ERBB4: variants seen among roughly 807,000 people sequenced by gnomAD.
ERBB4 encodes the protein receptor tyrosine-protein kinase erbB-4.
ERBB4 carries 42 observed loss-of-function variants against 158.0 expected under a neutral mutation model. That is an observed-to-expected ratio of 0.27 (90% CI 0.21 to 0.34). The LOEUF (loss-of-function observed/expected upper bound fraction) is 0.34, where lower values mean the gene tolerates loss of function less well. Ranked by LOEUF, ERBB4 falls within the 10% of genes least tolerant of loss-of-function variation. The pLI is 1.00. For missense variants in ERBB4, 1,333 were observed against 1,624.1 expected (o/e 0.82, Z 3.08); for synonymous variants, 583 against 558.7 (o/e 1.04, Z -0.61).
intron 4 of ERBB4, among the ~76,000 whole-genome samples, chr2:211,767,908 C>T (rs1371649757): frequency 6.6e-6 from 1 of 152,180 alleles, no homozygotes; most frequent in African/African-American, 2.4e-5. Flanking sequence ...TCATGCCCTC[C>T]CAACAGACCC....
At chr2:212,423,129 A>G (rs1164935091) in intron 1 of ERBB4, among the ~76,000 whole-genome samples, 1 of 152,186 alleles carries the variant, frequency 6.6e-6, no homozygotes, top group Non-Finnish European at 1.5e-5. Context: ...TAACATAACC[A>G]TATCTATGAC....
intron 1 of ERBB4, among the ~76,000 whole-genome samples, chr2:212,240,186 G>T (rs778449569): frequency 6.6e-6 from 1 of 152,082 alleles, no homozygotes; most frequent in Admixed American, 6.6e-5. Context: ...TTTTGATGGG[G>T]TTCAGCAACA....
At chr2:211,537,737 C>T (rs922319649) in intron 20 of ERBB4, among the ~76,000 whole-genome samples, 1 of 151,820 alleles carries the variant, frequency 6.6e-6, no homozygotes, top group Non-Finnish European at 1.5e-5. Flanking sequence ...CTGTATCACA[C>T]AAAATACAGG....
At chr2:212,476,214 A>C (rs1689387392) in intron 1 of ERBB4, among the ~76,000 whole-genome samples, 2 of 151,702 alleles carry the variant, frequency 1.3e-5, no homozygotes, top group Admixed American at 1.3e-4. Context: ...TCTTTTTAAC[A>C]TTTAGCTGAC....
intron 25 of ERBB4, among the ~76,000 whole-genome samples, chr2:211,416,588 C>A (rs542853752): frequency 6.6e-6 from 1 of 152,296 alleles, no homozygotes; most frequent in South Asian, 2.1e-4. Context: ...AGATTGCTAT[C>A]TCTAGTAACA....
rs1368290256 is a variant in ERBB4, at chr2:211,520,783, ATC to A, written c.2487+41118_2487+41119del. 2.0e-5 allele frequency among the ~76,000 whole-genome samples: 3 copies of A among 152,192 alleles called. No individual in the cohort carries two copies. In the East Asian group the frequency reaches 5.8e-4, roughly 29 times the overall value. The stretch of plus-strand genomic sequence containing the variant: ...TTCTAATAGCATGTACTCACTCCAC[ATC>A]TCTGTTTCTCATTTTGGCAACTCTT... On this transcript the variant is annotated intron_variant, in intron 20 of 27. Coordinates refer to ENST00000342788, the MANE Select transcript of ERBB4 (RefSeq NM_005235.3).
At chr2:211,457,002 C>T (rs1012405066) in intron 20 of ERBB4, among the ~76,000 whole-genome samples, 1 of 152,140 alleles carries the variant, frequency 6.6e-6, no homozygotes, top group African/African-American at 2.4e-5. Flanking sequence ...ATATATGATA[C>T]TTTGTTATTT....
At chr2:211,649,487 A>G (rs1188209369) in intron 16 of ERBB4, among the ~76,000 whole-genome samples, 1 of 151,844 alleles carries the variant, frequency 6.6e-6, no homozygotes, top group African/African-American at 2.4e-5. Context: ...GTGTAGAACA[A>G]TATAGCTATT....
intron 20 of ERBB4, among the ~76,000 whole-genome samples, chr2:211,559,664 A>G (rs1450296394): frequency 6.6e-6 from 1 of 152,062 alleles, no homozygotes; most frequent in East Asian, 1.9e-4. Context: ...AATCTGAACC[A>G]CTGTATTCAA....
At chr2:211,784,258 G>C (rs1447703316) in intron 4 of ERBB4, among the ~76,000 whole-genome samples, 1 of 152,078 alleles carries the variant, frequency 6.6e-6, no homozygotes, top group African/African-American at 2.4e-5. Flanking sequence ...TGGACATTTA[G>C]CCTTCCTTCC....
intron 20 of ERBB4, among the ~76,000 whole-genome samples, chr2:211,521,104 C>T (rs190156367): frequency 0.093 from 14,076 of 152,098 alleles, 884 homozygotes; most frequent in African/African-American, 0.18. Context: ...TTGCAAGTCT[C>T]TCATTTTAAA....
intron 2 of ERBB4, among the ~76,000 whole-genome samples, chr2:212,095,675 A>G (rs908495623): frequency 2.0e-5 from 3 of 152,098 alleles, no homozygotes; most frequent in Non-Finnish European, 2.9e-5. Flanking sequence ...GCTCACGCCT[A>G]TAATCCCAGC....
chr2:212,153,702 C>A (rs145468452), intron 1 of ERBB4, among the ~76,000 whole-genome samples: 3,028 of 152,238 alleles, frequency 0.02, 44 homozygotes, highest in South Asian at 0.036. Context: ...ATAATTTGCA[C>A]GCATGAATAT....
At chr2:212,149,946 G>T (rs2080817111) in intron 1 of ERBB4, among the ~76,000 whole-genome samples, 1 of 152,068 alleles carries the variant, frequency 6.6e-6, no homozygotes, top group Non-Finnish European at 1.5e-5. Context: ...ATCTCATCAG[G>T]AACACTTAAC....
rs140544069 is a variant in ERBB4 at position 212,169,839 on chromosome 2, T to C, written c.83-44936A>G. 5.2e-3 allele frequency among the ~76,000 whole-genome samples: 787 copies of C among 152,266 alleles called. 1 individual carries two copies. The highest frequency in any genetic ancestry group is 0.012 in the African/African-American group (495 of 41,572). Reference sequence around the variant, plus strand: ...CACAGCTCTCTCTCACCTGCTGCCATGTAAGACTTGCCTCTTCTCCTTCCT... The same window carrying C: ...CACAGCTCTCTCTCACCTGCTGCCACGTAAGACTTGCCTCTTCTCCTTCCT... On this transcript the variant is annotated intron_variant, in intron 1 of 27. Transcript: ENST00000342788.
chr2:212,335,494 G>C (rs2088391052), intron 1 of ERBB4, among the ~76,000 whole-genome samples: 1 of 151,876 alleles, frequency 6.6e-6, no homozygotes, highest in Non-Finnish European at 1.5e-5. Flanking sequence ...TTCAGGAAGA[G>C]TGAAATAAAA....
chr2:212,267,748 C>G (rs371722038), intron 1 of ERBB4, among the ~76,000 whole-genome samples: 8 of 151,518 alleles, frequency 5.3e-5, no homozygotes, highest in Middle Eastern at 3.4e-3. Flanking sequence ...ATCCCTCCCC[C>G]CTTCCCCCAC....
In ERBB4 at chr2:212,479,308, C is replaced by CTCTCTT. The variant is rs564889152; in HGVS notation, c.82+59135_82+59140dup. On this transcript the variant is annotated intron_variant, in intron 1 of 27. Coordinates refer to ENST00000342788, the MANE Select transcript of ERBB4 (RefSeq NM_005235.3). The stretch of plus-strand genomic sequence containing the variant: ...AGATCTCTTAGAGCTACCTCTTTCT[C>CTCTCTT]TCTCTTTCTCTTTCTCTTTCTCATA... Among the ~76,000 whole-genome samples, 1,140 of 152,164 alleles carry CTCTCTT rather than the reference C, an allele frequency of 7.5e-3. 7 individuals are homozygous for CTCTCTT. Among genetic ancestry groups the CTCTCTT allele is most frequent in the African/African-American group, 0.016 (667 of 41,528 alleles).
At chr2:212,060,026 T>G (rs2077710971) in intron 2 of ERBB4, among the ~76,000 whole-genome samples, 1 of 151,772 alleles carries the variant, frequency 6.6e-6, no homozygotes, top group African/African-American at 2.4e-5. Flanking sequence ...TGGGAGAAAA[T>G]TTTTGCAATC....
Sources: gnomAD v4.1 joint callset for allele counts (sites outside exome capture counted in the v4.1 genomes callset) on GRCh38, gnomAD v4.1.1 for gene constraint, MANE v1.5 for transcripts, NCBI Gene and HGNC (gene_info 2026-07-23, HGNC 2026-07-21) for gene names.